NUMB: variants seen among roughly 807,000 people sequenced by gnomAD.
NUMB encodes the protein NUMB endocytic adaptor protein, also known as protein numb homolog.
NUMB carries 29 observed loss-of-function variants against 59.7 expected under a neutral mutation model. The observed-to-expected ratio is 0.49, with a 90% CI of 0.36 to 0.66. NUMB has a LOEUF of 0.66. Among genes scored for constraint, NUMB ranks in the 30% least tolerant of loss-of-function variants. NUMB has a pLI of 0.00. For synonymous variants in NUMB, 288 were observed against 288.2 expected (o/e 1.00, Z 0.01); for missense variants, 723 against 822.0 (o/e 0.88, Z 1.47).
intron 4 of NUMB, among the ~76,000 whole-genome samples, chr14:73,333,059 T>C (rs1188538387): frequency 2.6e-5 from 4 of 152,250 alleles, no homozygotes; most frequent in Non-Finnish European, 5.9e-5. Context: ...CATGTATTTT[T>C]CTTGAAGTAC....
intron 6 of NUMB, among the ~76,000 whole-genome samples, chr14:73,299,562 T>A (rs537349805): frequency 1.7e-3 from 189 of 109,010 alleles, no homozygotes; most frequent in African/African-American, 7.9e-3. Context: ...ATCATATATG[T>A]CATATATATG....
intron 1 of NUMB, among the ~76,000 whole-genome samples, chr14:73,445,524 C>T (rs924340802): frequency 6.6e-6 from 1 of 151,930 alleles, no homozygotes; most frequent in Non-Finnish European, 1.5e-5. Flanking sequence ...GTTTAAATTT[C>T]ATAGTACAAT....
intron 4 of NUMB, among the ~76,000 whole-genome samples, chr14:73,337,764 A>G (rs1056578528): frequency 2.6e-5 from 4 of 152,228 alleles, no homozygotes; most frequent in African/African-American, 9.6e-5. Context: ...ATAAAATACT[A>G]TAATAACTGC....
chr14:73,305,639 C>T (rs1594886746), intron 6 of NUMB, among the ~76,000 whole-genome samples: 3 of 152,292 alleles, frequency 2.0e-5, no homozygotes. Context: ...CACATGGAAA[C>T]ATCATTTTGC....
In NUMB at chr14:73,287,485, C is replaced by A. The variant is rs1889096323; in HGVS notation, c.451-171G>T. 5.9e-5 allele frequency among the ~76,000 whole-genome samples: 9 copies of A among 152,220 alleles called. No individual in the cohort carries two copies. In the South Asian group the frequency reaches 1.7e-3, roughly 28 times the overall value. ...CCTCTGCCTCCGGGCTCAAATACTT[C>A]TCGTGCCTCAGCCTCCTGAGTAGCT... is the stretch of plus-strand genomic sequence containing the variant. On this transcript the variant is annotated intron_variant, in intron 8 of 12. Coordinates refer to ENST00000555238, the MANE Select transcript of NUMB (RefSeq NM_001005743.2).
chr14:73,325,544 T>C (rs1307674358), intron 4 of NUMB, among the ~76,000 whole-genome samples: 1 of 152,180 alleles, frequency 6.6e-6, no homozygotes, highest in Non-Finnish European at 1.5e-5. Flanking sequence ...CCAGGGCAAC[T>C]TCAATCTATG....
intron 2 of NUMB, among the ~76,000 whole-genome samples, chr14:73,386,124 G>A (rs1170122182): frequency 6.6e-6 from 1 of 151,840 alleles, no homozygotes; most frequent in Non-Finnish European, 1.5e-5. Flanking sequence ...CAAGCCTCTG[G>A]TCTCAGCTAT....
intron 3 of NUMB, among the ~76,000 whole-genome samples, chr14:73,358,991 G>A (rs553499292): frequency 2.0e-5 from 3 of 152,222 alleles, no homozygotes; most frequent in Non-Finnish European, 4.4e-5. Context: ...CATTAAAAGA[G>A]GACATCCAAC....
chr14:73,419,814 C>T (rs1003141641), intron 1 of NUMB, among the ~76,000 whole-genome samples: 5 of 152,182 alleles, frequency 3.3e-5, no homozygotes, highest in African/African-American at 1.2e-4. Flanking sequence ...ACAGAATTCA[C>T]TCCATCAAGG....
intron 1 of NUMB, among the ~76,000 whole-genome samples, chr14:73,420,647 T>C (rs1209746680): frequency 6.6e-6 from 1 of 152,266 alleles, no homozygotes; most frequent in East Asian, 1.9e-4. Context: ...TGGCAAAACC[T>C]TGTCTCTACG....
intron 4 of NUMB, among the ~76,000 whole-genome samples, chr14:73,352,473 CACACATATATATATATATAT>C (rs1566756046): frequency 0.015 from 317 of 20,452 alleles, 35 homozygotes; most frequent in African/African-American, 0.018. Context: ...CACACACACA[CACACATATATATATATATAT>C]ATATATATAT....
chr14:73,363,522 A>G (rs765248708), intron 3 of NUMB, among the ~76,000 whole-genome samples: 7 of 152,216 alleles, frequency 4.6e-5, no homozygotes, highest in Non-Finnish European at 8.8e-5. Context: ...AGTCTTAAAT[A>G]AATCTTTTCA....
intron 1 of NUMB, among the ~76,000 whole-genome samples, chr14:73,412,345 T>C (rs949280917): frequency 6.6e-6 from 1 of 152,060 alleles, no homozygotes; most frequent in Middle Eastern, 3.2e-3. Context: ...TGAGGGGTCT[T>C]GGCTGGGCAC....
chr14:73,427,240 A>AGGCAGAGGCAGACGGATCACCTGAG (rs1328484083), intron 1 of NUMB, among the ~76,000 whole-genome samples: 16 of 152,058 alleles, frequency 1.1e-4, no homozygotes, highest in African/African-American at 3.9e-4. Context: ...GCACTTTGGG[A>AGGCAGAGGCAGACGGATCACCTGAG]GGCAGAGGCA....
chr14:73,444,135 G>A (rs1472346217), intron 1 of NUMB, among the ~76,000 whole-genome samples: 7 of 152,092 alleles, frequency 4.6e-5, no homozygotes, highest in Non-Finnish European at 8.8e-5. Flanking sequence ...CACAGTGGCG[G>A]ATGCCTGTAA....
At chr14:73,376,241 C>A (rs138723994) in intron 2 of NUMB, among the ~76,000 whole-genome samples, 5 of 152,260 alleles carry the variant, frequency 3.3e-5, no homozygotes, top group African/African-American at 1.2e-4. Flanking sequence ...AAGTCAATCA[C>A]TTTCCTATAT....
At chr14:73,298,277 C>T (rs1322008710) in intron 6 of NUMB, 3 of 152,430 alleles carry the variant, frequency 2.0e-5, no homozygotes, top group Non-Finnish European at 4.4e-5. Flanking sequence ...GCATTACAGC[C>T]TTGAACTCCT....
chr14:73,437,769 G>A (rs781491449), intron 1 of NUMB, among the ~76,000 whole-genome samples: 6 of 152,146 alleles, frequency 3.9e-5, no homozygotes, highest in Non-Finnish European at 7.4e-5. Flanking sequence ...AGAACTTGGC[G>A]GGGACATGAA....
rs10668811 is a variant in NUMB, at chr14:73,354,827, C to CAAA, written c.126+796_126+798dup. ...TGTGCTATGGAGACAGACTGTGCCT[C>CAAA]AAAAAAAAAAAGGAATATATAGTAA... On this transcript the variant is annotated intron_variant, in intron 4 of 12. Transcript: ENST00000555238. Among the ~76,000 whole-genome samples, 2 of 82,308 alleles carry CAAA rather than the reference C, an allele frequency of 2.4e-5. 1 individual carries two copies. Among genetic ancestry groups the CAAA allele is most frequent in the Non-Finnish European group, 4.3e-5 (2 of 46,056 alleles). 54.0% of individuals were successfully genotyped at this position (82,308 alleles called of 152,430 possible).
Sources: allele counts gnomAD v4.1 joint callset (sites outside exome capture counted in the v4.1 genomes callset), GRCh38; gene constraint gnomAD v4.1.1; transcripts MANE v1.5; gene names NCBI Gene and HGNC (gene_info 2026-07-23, HGNC 2026-07-21).